The following PDE4D variants were observed in gnomAD, a reference collection of about 807,000 sequenced individuals.
PDE4D encodes phosphodiesterase 4D.
PDE4D carries 24 observed loss-of-function variants against 87.4 expected under a neutral mutation model. That is an observed-to-expected ratio of 0.27 (90% CI 0.20 to 0.39). The LOEUF (loss-of-function observed/expected upper bound fraction) is 0.39, where lower values mean the gene tolerates loss of function less well. Among genes scored for constraint, PDE4D ranks in the 10% least tolerant of loss-of-function variants. The pLI, the probability that PDE4D is intolerant of heterozygous loss-of-function variation, is 1.00. For missense variants in PDE4D, 714 were observed against 1,041.0 expected, an observed-to-expected ratio of 0.69 and a Z score of 4.32; for synonymous variants, 384 against 383.2, an observed-to-expected ratio of 1.00 and a Z score of -0.02.
intron 5 of PDE4D, among the ~76,000 whole-genome samples, chr5:59,175,480 T>TCC (rs1783684525): frequency 7.7e-6 from 1 of 130,016 alleles, no homozygotes; most frequent in Non-Finnish European, 1.6e-5. Flanking sequence ...TCTTTTTTTT[T>TCC]TTTTTTTTTT....
intron 2 of PDE4D, among the ~76,000 whole-genome samples, chr5:60,049,185 T>C (rs377238932): frequency 3.3e-5 from 5 of 152,288 alleles, no homozygotes; most frequent in Non-Finnish European, 4.4e-5. Flanking sequence ...GCATTCTTCA[T>C]GTAGTTCTCG....
At chr5:59,049,882 T>A (rs1761272973) in intron 5 of PDE4D, among the ~76,000 whole-genome samples, 1 of 152,214 alleles carries the variant, frequency 6.6e-6, no homozygotes. Context: ...AATCTCTGTT[T>A]AGCATTTATA....
intron 1 of PDE4D, among the ~76,000 whole-genome samples, chr5:59,552,631 A>T (rs1189201286): frequency 6.6e-6 from 1 of 152,224 alleles, no homozygotes. Flanking sequence ...TTTAAAAAAA[A>T]CTAACAACAA....
At chr5:59,471,658 G>T (rs1179780843) in intron 1 of PDE4D, among the ~76,000 whole-genome samples, 7 of 152,142 alleles carry the variant, frequency 4.6e-5, no homozygotes, top group Admixed American at 4.6e-4. Flanking sequence ...TTCCCTCTCT[G>T]CTGTACAAGT....
At chr5:59,612,015 T>C (rs879177216) in intron 1 of PDE4D, among the ~76,000 whole-genome samples, 14 of 152,202 alleles carry the variant, frequency 9.2e-5, no homozygotes, top group African/African-American at 3.4e-4. Context: ...TCAGAAACTA[T>C]GATTTTGTCT....
intron 1 of PDE4D, among the ~76,000 whole-genome samples, chr5:60,364,400 T>C (rs970468723): frequency 6.6e-6 from 1 of 152,184 alleles, no homozygotes; most frequent in Non-Finnish European, 1.5e-5. Context: ...ATTATGTGGA[T>C]CTTTACAGAA....
chr5:59,226,994 T>TA (rs1753921503), intron 1 of PDE4D, among the ~76,000 whole-genome samples: 1 of 151,844 alleles, frequency 6.6e-6, no homozygotes, highest in Non-Finnish European at 1.5e-5. Context: ...TAACTAAGAG[T>TA]ATGGAGGGAA....
intron 1 of PDE4D, among the ~76,000 whole-genome samples, chr5:59,723,704 TA>T (rs1386485070): frequency 1.3e-5 from 2 of 152,134 alleles, no homozygotes; most frequent in Non-Finnish European, 2.9e-5. Context: ...GTTTTCACAT[TA>T]AAAAATATTT....
rs529806063 is a variant in PDE4D at position 59,447,785 on chromosome 5, C to A, written c.456-231817G>T. 2.0e-5 allele frequency among the ~76,000 whole-genome samples: 3 copies of A among 152,330 alleles called. No individual in the cohort carries two copies. In the East Asian group the frequency reaches 5.8e-4, roughly 29 times the overall value. On this transcript the variant is annotated intron_variant, in intron 1 of 14. Transcript: ENST00000340635. ...TACTTCCTGCCCCACTGACACCAAG[C>A]TGATCTTGCAACCCACTTTGGCCAA...
chr5:59,706,880 T>C (rs1753488018), intron 1 of PDE4D, among the ~76,000 whole-genome samples: 1 of 151,954 alleles, frequency 6.6e-6, no homozygotes, highest in Non-Finnish European at 1.5e-5. Context: ...CTAAAGAAAA[T>C]GGTATCCACA....
intron 1 of PDE4D, among the ~76,000 whole-genome samples, chr5:59,801,097 C>T (rs2963826): frequency 0.35 from 53,503 of 151,906 alleles, 10,361 homozygotes; most frequent in Non-Finnish European, 0.43. Context: ...CCCCTATACA[C>T]GCAGCAAAAG....
chr5:59,043,413 C>T (rs1441955342), intron 5 of PDE4D, among the ~76,000 whole-genome samples: 1 of 152,086 alleles, frequency 6.6e-6, no homozygotes, highest in Non-Finnish European at 1.5e-5. Context: ...GTCCCAGCTA[C>T]TCGGGAGGCT....
intron 1 of PDE4D, among the ~76,000 whole-genome samples, chr5:59,269,974 C>G (rs886340151): frequency 3.3e-5 from 5 of 152,056 alleles, no homozygotes; most frequent in Admixed American, 2.0e-4. Context: ...GGTGACTCCT[C>G]CAGGGACACA....
intron 2 of PDE4D, among the ~76,000 whole-genome samples, chr5:60,108,195 A>G (rs1389672402): frequency 1.3e-5 from 2 of 151,848 alleles, no homozygotes; most frequent in Admixed American, 6.6e-5. Flanking sequence ...AAAAATCACA[A>G]GCATTCTTAT....
At chr5:59,293,516 A>G (rs1561898395) in intron 1 of PDE4D, among the ~76,000 whole-genome samples, 1 of 152,140 alleles carries the variant, frequency 6.6e-6, no homozygotes, top group Non-Finnish European at 1.5e-5. Context: ...TAAAACTCCG[A>G]TTCCCATTCT....
rs116100209 is a variant in PDE4D at position 59,218,680 on chromosome 5, C to A, written c.456-2712G>T. ...CTGAAGGGTTAAATAACCTTAAAGG[C>A]CTAAATTATTTCTTAGGAACTCATG... On this transcript the variant is annotated intron_variant, in intron 1 of 14. Transcript: ENST00000340635. 8.5e-3 allele frequency among the ~76,000 whole-genome samples: 1,288 copies of A among 152,006 alleles called. 17 individuals carry two copies. Among genetic ancestry groups the A allele is most frequent in the African/African-American group, 0.03 (1,225 of 41,466 alleles).
At chr5:60,445,089 GAAC>G (rs1002534939) in intron 1 of PDE4D, among the ~76,000 whole-genome samples, 5 of 152,050 alleles carry the variant, frequency 3.3e-5, no homozygotes, top group South Asian at 2.1e-4. Context: ...TTGTGTTTTA[GAAC>G]AACAATTCAG....
intron 2 of PDE4D, among the ~76,000 whole-genome samples, chr5:60,110,083 A>T (rs1259097217): frequency 6.6e-6 from 1 of 152,114 alleles, no homozygotes; most frequent in Admixed American, 6.6e-5. Context: ...GCGAAGTGGT[A>T]CTCAAATGCC....
At chr5:59,583,021 C>T (rs2153700607) in intron 1 of PDE4D, among the ~76,000 whole-genome samples, 1 of 152,282 alleles carries the variant, frequency 6.6e-6, no homozygotes. Flanking sequence ...CTATCTTCCA[C>T]TGTCCTTTTA....
Sources: allele counts gnomAD v4.1 joint callset (sites outside exome capture counted in the v4.1 genomes callset), GRCh38; gene constraint gnomAD v4.1.1; transcripts MANE v1.5; gene names NCBI Gene and HGNC (gene_info 2026-07-23, HGNC 2026-07-21).